The following SP3 variants were observed in gnomAD, a reference collection of about 807,000 sequenced individuals.
SP3 encodes the protein transcription factor Sp3.
Under a neutral mutation model 70.3 loss-of-function variants are expected in SP3, and 10 were observed. The ratio of observed to expected loss-of-function variants is 0.14; its 90% CI spans 0.09 to 0.24. The LOEUF (loss-of-function observed/expected upper bound fraction) is 0.24, where lower values mean the gene tolerates loss of function less well. SP3 is among the 10% of genes least tolerant of loss of function. The pLI, the probability that SP3 is intolerant of heterozygous loss-of-function variation, is 1.00. For synonymous variants in SP3, 402 were observed against 333.5 expected, an observed-to-expected ratio of 1.21 and a Z score of -2.24; for missense variants, 825 against 914.6, an observed-to-expected ratio of 0.90 and a Z score of 1.26.
At position 173,965,011 on chromosome 2, in the gene SP3, G is replaced by A. The variant is rs1290070461; in HGVS notation, c.7+154C>T. ...GGTGGACGGTGGCTGGCGGGGAGGG[G>A]AGGGAGGCGCAGGGGAGTGCAGCTT... On this transcript the variant is annotated intron_variant, in intron 1 of 6. Coordinates refer to ENST00000310015, the MANE Select transcript of SP3 (RefSeq NM_003111.5). 8.4e-6 allele frequency: 8 copies of A among 948,284 alleles called. No homozygotes were observed. In the African/African-American group the frequency reaches 1.4e-4, roughly 17 times the overall value. 58.7% of individuals were successfully genotyped at this position (948,284 alleles called of 1,614,324 possible).
In SP3 at chr2:173,941,540, G is replaced by A. The variant is rs138664997; in HGVS notation, c.1639+13333C>T. Among the ~76,000 whole-genome samples the A allele has an allele frequency of 4.8e-3, 728 of 152,244 alleles. 3 individuals are homozygous for A. Among genetic ancestry groups the A allele is most frequent in the African/African-American group, 0.017 (696 of 41,486 alleles). ...TGGTAAGGTCACCTGAGCCCGGAAGGTCCAGGCCAGTGATCATGCCACTGC... is the reference window on the plus strand; with the variant it reads ...TGGTAAGGTCACCTGAGCCCGGAAGATCCAGGCCAGTGATCATGCCACTGC... On this transcript the variant is annotated intron_variant, in intron 4 of 6. Coordinates refer to ENST00000310015, the MANE Select transcript of SP3 (RefSeq NM_003111.5).
chr2:173,964,281 G>A (rs1249754223), intron 2 of SP3, 124 bp downstream of exon 2: 3 of 522,318 alleles, frequency 5.7e-6, no homozygotes, highest in South Asian at 2.3e-5. Flanking sequence ...CGGGGCGGGG[G>A]GAGGGGAGTG....
At chr2:173,936,538 A>G (rs1272602973) in intron 4 of SP3, among the ~76,000 whole-genome samples, 1 of 152,206 alleles carries the variant, frequency 6.6e-6, no homozygotes, top group Admixed American at 6.5e-5. Flanking sequence ...ACCAGTCACC[A>G]AACTGCCCAG....
intron 3 of SP3, among the ~76,000 whole-genome samples, chr2:173,960,614 C>T (rs1691038399): frequency 6.6e-6 from 1 of 152,158 alleles, no homozygotes; most frequent in Non-Finnish European, 1.5e-5. Context: ...CATTTATGTG[C>T]CAAATTAAGG....
Position 173,964,408 on chromosome 2 carries a change from G to GGCCGCCGCT in SP3, c.144_152dup (p.Ala49_Ala51dup), listed in dbSNP as rs745540834. ...CCGGGGTTCAGCCGCTCCTCACCTG[G>GGCCGCCGCT]GCCGCCGCTGCCGCCGCCACCGCAC... On this transcript the variant is annotated inframe_insertion, in exon 2 of 7. Coordinates refer to ENST00000310015, the MANE Select transcript of SP3 (RefSeq NM_003111.5). 1.4e-5 allele frequency: 10 copies of GGCCGCCGCT among 720,832 alleles called. No homozygotes were observed. Among genetic ancestry groups the GGCCGCCGCT allele is most frequent in the East Asian group, 5.6e-5 (2 of 35,938 alleles). 44.7% of individuals were successfully genotyped at this position (720,832 alleles called of 1,614,324 possible).
chr2:173,937,154 A>G (rs1231946214), intron 4 of SP3, among the ~76,000 whole-genome samples: 1 of 152,212 alleles, frequency 6.6e-6, no homozygotes, highest in African/African-American at 2.4e-5. Flanking sequence ...ACAGTAAGAA[A>G]CTTGTTCACC....
intron 5 of SP3, chr2:173,916,744 C>T (rs1004406886): frequency 6.6e-6 from 1 of 152,044 alleles, no homozygotes; most frequent in African/African-American, 2.4e-5. Flanking sequence ...AGACAATTCC[C>T]TTTAACCCAG....
chr2:173,963,171 T>G, intron 3 of SP3: 1 of 150,880 alleles, frequency 6.6e-6, no homozygotes, highest in East Asian at 1.9e-4. Flanking sequence ...TTACCCCCCT[T>G]ACAAAAAAAA....
At chr2:173,961,753 G>C (rs1389182716) in intron 3 of SP3, among the ~76,000 whole-genome samples, 1 of 152,106 alleles carries the variant, frequency 6.6e-6, no homozygotes, top group Admixed American at 6.5e-5. Context: ...ATGAACTCAT[G>C]TGAATTTCCT....
chr2:173,954,952 A>T lies in SP3; in HGVS notation c.1560T>A (p.Asn520Lys), dbSNP rs1197743664. Residue 520 changes from asparagine to lysine, a missense_variant, in exon 4 of 7, where the codon AAT becomes AAA. By Grantham distance (94) the Asn-to-Lys change is moderately conservative (BLOSUM62 0). Coordinates refer to ENST00000310015, the MANE Select transcript of SP3 (RefSeq NM_003111.5). Reference protein sequence around the residue: ...PVSLSTGQLPNLQTVTVNSID... With the variant: ...PVSLSTGQLPKLQTVTVNSID... The stretch of plus-strand genomic sequence containing the variant: ...TAGAGTTCACTGTAACTGTTTGTAG[A>T]TTTGGCAACTGACCAGTGCTTAGAC... The T allele has an allele frequency of 1.9e-6, 3 of 1,614,166 alleles. No individual in the cohort carries two copies. Among genetic ancestry groups the T allele is most frequent in the East Asian group, 2.2e-5 (1 of 44,882 alleles).
intron 3 of SP3, among the ~76,000 whole-genome samples, chr2:173,960,849 G>T (rs553655655): frequency 6.6e-6 from 1 of 151,950 alleles, no homozygotes; most frequent in Admixed American, 6.6e-5. Context: ...GGTGGCACAC[G>T]CCTGTCGTCC....
chr2:173,948,510 C>T (rs928536018), intron 4 of SP3, among the ~76,000 whole-genome samples: 1 of 152,136 alleles, frequency 6.6e-6, no homozygotes, highest in African/African-American at 2.4e-5. Context: ...GGTCTTTGAA[C>T]TATCCCTCAC....
At chr2:173,938,111 A>T (rs898785217) in intron 4 of SP3, among the ~76,000 whole-genome samples, 5 of 152,164 alleles carry the variant, frequency 3.3e-5, no homozygotes, top group Non-Finnish European at 5.9e-5. Flanking sequence ...TAATGTCAAG[A>T]GTTTTTAAAA....
intron 4 of SP3, among the ~76,000 whole-genome samples, chr2:173,945,123 T>C (rs916355546): frequency 6.6e-6 from 1 of 152,198 alleles, no homozygotes; most frequent in African/African-American, 2.4e-5. Context: ...GAAAGTATCA[T>C]CCTTAAGGAT....
intron 4 of SP3, among the ~76,000 whole-genome samples, chr2:173,946,496 T>C (rs1277195638): frequency 6.6e-6 from 1 of 152,096 alleles, no homozygotes; most frequent in Non-Finnish European, 1.5e-5. Context: ...ATTTCCTCAT[T>C]TCCAACTCAT....
At chr2:173,964,239 T>G (rs1574431574) in intron 2 of SP3, 166 bp downstream of exon 2, 14 of 455,136 alleles carry the variant, frequency 3.1e-5, no homozygotes, top group South Asian at 9.2e-5. Context: ...GCGGGCGGGG[T>G]CGGAGCGTTG....
chr2:173,935,276 G>A (rs541631701), intron 4 of SP3, among the ~76,000 whole-genome samples: 1 of 152,212 alleles, frequency 6.6e-6, no homozygotes, highest in African/African-American at 2.4e-5. Context: ...TTAATGATCA[G>A]TCCAGGTTAA....
At chr2:173,958,449 T>C (rs1690961883) in intron 3 of SP3, among the ~76,000 whole-genome samples, 1 of 151,924 alleles carries the variant, frequency 6.6e-6, no homozygotes, top group South Asian at 2.1e-4. Context: ...GTAGTGCCAT[T>C]TTTCTCAGCA....
At chr2:173,961,071 T>C (rs1488919143) in intron 3 of SP3, among the ~76,000 whole-genome samples, 3 of 152,228 alleles carry the variant, frequency 2.0e-5, no homozygotes, top group African/African-American at 7.2e-5. Flanking sequence ...AAATGCAAAC[T>C]GGTCAAAGTT....
Sources: allele counts gnomAD v4.1 joint callset (sites outside exome capture counted in the v4.1 genomes callset), GRCh38; gene constraint gnomAD v4.1.1; transcripts MANE v1.5; gene names NCBI Gene and HGNC (gene_info 2026-07-23, HGNC 2026-07-21).